RMND5B: variants seen among roughly 807,000 people sequenced by gnomAD.
The protein encoded by RMND5B is required for meiotic nuclear division 5 homolog B.
In RMND5B, 42 loss-of-function variants were observed where a neutral mutation model predicts 50.4. That is an observed-to-expected ratio of 0.83 (90% CI 0.65 to 1.08). RMND5B has a LOEUF of 1.08. RMND5B is among the 50% of genes least tolerant of loss of function. The pLI is 0.00. For synonymous variants in RMND5B, 220 were observed against 210.0 expected (o/e 1.05, Z -0.41); for missense variants, 463 against 508.5 (o/e 0.91, Z 0.86).
Position 178,147,277 on chromosome 5 carries a change from C to T in RMND5B, c.861-256C>T, listed in dbSNP as rs1324395881. Reference sequence around the variant, plus strand: ...TTCAGTCATTAGGATGAGCAGATATCTGCCCCTAGAGCTATAGGAAGTCTT... The same window carrying T: ...TTCAGTCATTAGGATGAGCAGATATTTGCCCCTAGAGCTATAGGAAGTCTT... On this transcript the variant is annotated intron_variant, in intron 8 of 10. Coordinates refer to ENST00000313386, the MANE Select transcript of RMND5B (RefSeq NM_022762.5). 7.5e-6 allele frequency: 4 copies of T among 532,308 alleles called. No homozygotes were observed. The African/African-American group carries it at 7.6e-5, about 10-fold the overall frequency. 33.0% of individuals were successfully genotyped at this position (532,308 alleles called of 1,614,324 possible). A position where few individuals can be genotyped will look rare whatever the true frequency, so the allele number is the denominator to read the frequency against.
intron 7 of RMND5B, 45 bp downstream of exon 7, chr5:178,144,153 T>G (rs1357804699): frequency 6.3e-7 from 1 of 1,590,366 alleles, no homozygotes; most frequent in Admixed American, 1.7e-5. Context: ...GCCTGACACA[T>G]GTCTGGATGT....
intron 5 of RMND5B, among the ~76,000 whole-genome samples, chr5:178,143,287 G>A (rs1414914761): frequency 2.8e-5 from 2 of 71,952 alleles, no homozygotes; most frequent in Non-Finnish European, 6.1e-5. Context: ...AAGACACACT[G>A]GTGGTAAAAG....
chr5:178,134,830 AAAGCC>A, intron 2 of RMND5B, among the ~76,000 whole-genome samples: 1 of 151,992 alleles, frequency 6.6e-6, no homozygotes, highest in East Asian at 1.9e-4. Context: ...AAAAAAAAAA[AAAGCC>A]AGGTGTGGTG....
chr5:178,143,764 T>C (rs1000904262), intron 6 of RMND5B, 37 bp downstream of exon 6: 1 of 1,525,762 alleles, frequency 6.6e-7, no homozygotes, highest in East Asian at 2.3e-5. Context: ...AGCATTCTGC[T>C]TCGACCTCTC....
intron 7 of RMND5B, among the ~76,000 whole-genome samples, chr5:178,144,616 T>TC (rs1056906020): frequency 5.3e-5 from 8 of 151,650 alleles, no homozygotes; most frequent in Admixed American, 1.3e-4. Context: ...GCGTTTGTAG[T>TC]CCCAGCTACT....
chr5:178,148,243 G>A lies in RMND5B; in HGVS notation c.*211G>A. On this transcript the variant is annotated 3_prime_UTR_variant, in exon 11 of 11. Coordinates refer to ENST00000313386, the MANE Select transcript of RMND5B (RefSeq NM_022762.5). ...CTGGCACCTGGCTCCATGGCATAAGGAAAGGGAGATGCTGGCCTCTGTGCT... is the reference window on the plus strand; with the variant it reads ...CTGGCACCTGGCTCCATGGCATAAGAAAAGGGAGATGCTGGCCTCTGTGCT... The A allele has an allele frequency of 1.7e-6, 1 of 603,754 alleles. No individual in the cohort carries two copies. The highest frequency in any genetic ancestry group is 2.9e-6 in the Non-Finnish European group (1 of 339,570). The allele number at this position is 603,754 out of a possible 1,614,324, so 37.4% of individuals were successfully genotyped here.
In RMND5B at chr5:178,149,538, G is replaced by A; in HGVS notation, c.*1506G>A. The A allele has an allele frequency of 1.4e-6, 1 of 699,764 alleles. No homozygotes were observed. Among genetic ancestry groups the A allele is most frequent in the African/African-American group, 1.8e-5 (1 of 55,692 alleles). 43.3% of individuals were successfully genotyped at this position (699,764 alleles called of 1,614,324 possible). ...TAGTTCTACAGGAAATGGCACTGAT[G>A]GACAGAAGACTAGCATTACCTTCAT... On this transcript the variant is annotated 3_prime_UTR_variant, in exon 11 of 11. Transcript: ENST00000313386.
rs1756238383 is a variant in RMND5B at position 178,150,369 on chromosome 5, C to T, written c.*2337C>T. The T allele has an allele frequency of 1.2e-5, 3 of 258,624 alleles. No individual in the cohort carries two copies. In the South Asian group the frequency reaches 1.2e-4, roughly 11 times the overall value. The allele number at this position is 258,624 out of a possible 1,614,324, so 16.0% of individuals were successfully genotyped here. On this transcript the variant is annotated 3_prime_UTR_variant, in exon 11 of 11. Transcript: ENST00000313386. ...AAGTGATACTGTAGGTACCCAAGAT[C>T]CACCCCCAGCCTCTATTTTTTTTTT... is the stretch of plus-strand genomic sequence containing the variant.
rs140275983 is a variant in RMND5B at position 178,149,819 on chromosome 5, C to T, written c.*1787C>T. 1 of 1,613,626 alleles carries T rather than the reference C, an allele frequency of 6.2e-7. No individual in the cohort carries two copies. The highest frequency in any genetic ancestry group is 1.3e-5 in the African/African-American group (1 of 74,936). On this transcript the variant is annotated 3_prime_UTR_variant, in exon 11 of 11. Transcript: ENST00000313386. ...TATCACACAGGTGGGGCGCTTGGAG[C>T]CTGCGGCTGCACCCAGGTCCTACAG... is the stretch of plus-strand genomic sequence containing the variant.
intron 8 of RMND5B, chr5:178,146,590 A>C: frequency 3.5e-6 from 1 of 289,024 alleles, no homozygotes; most frequent in Non-Finnish European, 6.6e-6. Context: ...CAGCTAACCC[A>C]CGCCCCTCTG....
rs1404252860 is a variant in RMND5B at position 178,147,840 on chromosome 5, G to A, written c.1075G>A (p.Val359Ile). 3 of 1,614,024 alleles carry A rather than the reference G, an allele frequency of 1.9e-6. No individual in the cohort carries two copies. Among genetic ancestry groups the A allele is most frequent in the Middle Eastern group, 1.6e-4 (1 of 6,084 alleles). The change falls in exon 10 of 11, where the codon GTT (valine) becomes ATT (isoleucine). Residue 359 changes from valine to isoleucine, a missense_variant. Val to Ile is a conservative substitution (Grantham distance 29). Coordinates refer to ENST00000313386, the MANE Select transcript of RMND5B (RefSeq NM_022762.5). ...TCCCATCAAGCTCATCTGTGGCCATGTTATCTCCCGAGATGCACTCAATAA... is the reference window on the plus strand; with the variant it reads ...TCCCATCAAGCTCATCTGTGGCCATATTATCTCCCGAGATGCACTCAATAA... ...NPPIKLICGH[V>I]ISRDALNKLI...
intron 2 of RMND5B, among the ~76,000 whole-genome samples, chr5:178,132,269 C>T (rs1476672538): frequency 6.6e-6 from 1 of 151,834 alleles, no homozygotes; most frequent in African/African-American, 2.4e-5. Context: ...GGTGAAACCC[C>T]GTCTCTACTA....
In RMND5B at chr5:178,142,874, G is replaced by A. The variant is rs2113421062; in HGVS notation, c.308G>A (p.Gly103Asp). The change falls in exon 5 of 11, where the codon GGT becomes GAT. Residue 103 changes from glycine to aspartate, a missense_variant. Coordinates refer to ENST00000313386, the MANE Select transcript of RMND5B (RefSeq NM_022762.5). The part of the protein sequence containing the change: ...IDRNFDSEIC[G>D]VVSDAVWDAR... ...CAGAACTTCGACTCTGAGATCTGTG[G>A]TGTTGTGTCAGATGCGGTGTGGGAC... The A allele has an allele frequency of 6.2e-7, 1 of 1,614,240 alleles. No individual in the cohort carries two copies. Among genetic ancestry groups the A allele is most frequent in the African/African-American group, 1.3e-5 (1 of 75,064 alleles).
chr5:178,144,929 G>A (rs1755907619), intron 7 of RMND5B, among the ~76,000 whole-genome samples: 1 of 152,098 alleles, frequency 6.6e-6, no homozygotes, highest in Non-Finnish European at 1.5e-5. Context: ...TCCAAACCTG[G>A]AATCTGAGTC....
chr5:178,135,285 G>T, intron 2 of RMND5B: 1 of 225,546 alleles, frequency 4.4e-6, no homozygotes, highest in Non-Finnish European at 9.7e-6. Context: ...GAGGAGCTGG[G>T]ACCACAGGCG....
Position 178,149,787 on chromosome 5 carries a change from T to A in RMND5B, c.*1755T>A. On this transcript the variant is annotated 3_prime_UTR_variant, in exon 11 of 11. Coordinates refer to ENST00000313386, the MANE Select transcript of RMND5B (RefSeq NM_022762.5). ...GCCTCCTGGTACTCCTCATGGGGCT[T>A]GACCATTATCACACAGGTGGGGCGC... is the stretch of plus-strand genomic sequence containing the variant. The A allele has an allele frequency of 1.2e-6, 2 of 1,614,060 alleles. No individual in the cohort carries two copies. The highest frequency in any genetic ancestry group is 1.7e-6 in the Non-Finnish European group (2 of 1,179,948).
At position 178,133,154 on chromosome 5, in the gene RMND5B, C is replaced by T. The variant is rs914579847; in HGVS notation, c.-13+1778C>T. 3.9e-4 allele frequency among the ~76,000 whole-genome samples: 59 copies of T among 152,172 alleles called. 1 individual carries two copies. Among genetic ancestry groups the T allele is most frequent in the African/African-American group, 1.2e-4 (5 of 41,442 alleles). ...CTGGGATTACAGGCATGAGCCACCA[C>T]GCCCAGCCGATGTTGTCTAATCTTT... On this transcript the variant is annotated intron_variant, in intron 2 of 10. Coordinates refer to ENST00000313386, the MANE Select transcript of RMND5B (RefSeq NM_022762.5).
chr5:178,143,512 G>T, intron 5 of RMND5B, 115 bp from the exon 6 acceptor site: 1 of 822,824 alleles, frequency 1.2e-6, no homozygotes, highest in South Asian at 1.6e-5. Flanking sequence ...AGCTCCTCAA[G>T]CAAAGCCCAG....
intron 2 of RMND5B, among the ~76,000 whole-genome samples, chr5:178,134,889 A>C: frequency 6.6e-6 from 1 of 150,824 alleles, no homozygotes; most frequent in South Asian, 2.1e-4. Context: ...AGGCATAAGA[A>C]TTGCTTGGAC....
Sources: gnomAD v4.1 joint callset for allele counts (sites outside exome capture counted in the v4.1 genomes callset) on GRCh38, gnomAD v4.1.1 for gene constraint, MANE v1.5 for transcripts, NCBI Gene and HGNC (gene_info 2026-07-23, HGNC 2026-07-21) for gene names.